Variants in BAZ2B observed in about 807,000 individuals in gnomAD.
BAZ2B encodes bromodomain adjacent to zinc finger domain protein 2B.
BAZ2B carries 91 observed loss-of-function variants against 246.0 expected under a neutral mutation model. The observed-to-expected ratio is 0.37, with a 90% CI of 0.31 to 0.44. The LOEUF is 0.44. BAZ2B is among the 20% of genes least tolerant of loss of function. The pLI, the probability that BAZ2B is intolerant of heterozygous loss-of-function variation, is 1.00. For synonymous variants in BAZ2B, 855 were observed against 860.0 expected (o/e 0.99, Z 0.10); for missense variants, 2,332 against 2,533.7 (o/e 0.92, Z 1.71).
At chr2:159,637,424 G>A in the BAZ2B span, among the ~76,000 whole-genome samples, 1 of 152,198 alleles carries the variant, frequency 6.6e-6, no homozygotes, top group African/African-American at 2.4e-5. Flanking sequence ...AACCTGCCAT[G>A]GACTGTTGGT....
chr2:159,675,116 T>C, the BAZ2B span, among the ~76,000 whole-genome samples: 1 of 152,132 alleles, frequency 6.6e-6, no homozygotes, highest in African/African-American at 2.4e-5. Flanking sequence ...ATAAGATTTA[T>C]TATAAGCTGG....
chr2:159,650,091 T>C, the BAZ2B span, among the ~76,000 whole-genome samples: 2 of 152,182 alleles, frequency 1.3e-5, no homozygotes, highest in African/African-American at 4.8e-5. Context: ...TCTATATTAT[T>C]CATTTTTTTA....
chr2:159,449,767 T>C (rs577189472), intron 4 of BAZ2B, among the ~76,000 whole-genome samples: 10 of 152,310 alleles, frequency 6.6e-5, no homozygotes, highest in Admixed American at 5.9e-4. Flanking sequence ...AGATGAAAGA[T>C]GTACATTTAG....
At chr2:159,580,244 C>A (rs1299700743) in intron 1 of BAZ2B, among the ~76,000 whole-genome samples, 2 of 152,090 alleles carry the variant, frequency 1.3e-5, no homozygotes, top group Admixed American at 6.5e-5. Flanking sequence ...AATCAATGTG[C>A]AAAAATCACA....
intron 36 of BAZ2B, among the ~76,000 whole-genome samples, chr2:159,323,954 A>T (rs1189461818): frequency 6.6e-6 from 1 of 152,162 alleles, no homozygotes; most frequent in Non-Finnish European, 1.5e-5. Context: ...AACAAAACAG[A>T]CATAAACCTT....
chr2:159,469,175 T>TA (rs2077468759), intron 3 of BAZ2B, among the ~76,000 whole-genome samples: 1 of 151,664 alleles, frequency 6.6e-6, no homozygotes, highest in Non-Finnish European at 1.5e-5. Context: ...AGCTTGTTCT[T>TA]AAAAAAATCT....
the BAZ2B span, chr2:159,689,907 C>T: frequency 7.7e-6 from 3 of 387,374 alleles, no homozygotes; most frequent in South Asian, 9.5e-5. Context: ...GTAAAGTCAA[C>T]ACAGAACAGA....
chr2:159,514,472 C>T (rs2083243550), intron 2 of BAZ2B, among the ~76,000 whole-genome samples: 1 of 152,058 alleles, frequency 6.6e-6, no homozygotes, highest in Non-Finnish European at 1.5e-5. Flanking sequence ...CCTGTAATTC[C>T]TTAAAGTGCC....
chr2:159,500,908 T>G (rs968811677), intron 2 of BAZ2B, among the ~76,000 whole-genome samples: 4 of 148,900 alleles, frequency 2.7e-5, no homozygotes, highest in Non-Finnish European at 4.5e-5. Flanking sequence ...GAGCTGAGAT[T>G]GCGCCACTGC....
intron 27 of BAZ2B, among the ~76,000 whole-genome samples, chr2:159,353,170 A>G (rs1401006287): frequency 6.6e-6 from 1 of 152,188 alleles, no homozygotes; most frequent in East Asian, 1.9e-4. Context: ...CCAGTCCTTT[A>G]TTAATGTTTG....
At chr2:159,545,915 G>A (rs891919422) in intron 2 of BAZ2B, among the ~76,000 whole-genome samples, 1 of 152,004 alleles carries the variant, frequency 6.6e-6, no homozygotes. Context: ...ATACAACTAC[G>A]GATAAGGATA....
chr2:159,439,370 T>A (rs2072967662), intron 6 of BAZ2B, among the ~76,000 whole-genome samples, 158 bp from the exon 7 acceptor site: 1 of 152,256 alleles, frequency 6.6e-6, no homozygotes, highest in Admixed American at 6.5e-5. Context: ...TTTAACAAAC[T>A]GATCAACTTA....
At chr2:159,390,673 C>T (rs1280440800) in intron 20 of BAZ2B, among the ~76,000 whole-genome samples, 2 of 152,074 alleles carry the variant, frequency 1.3e-5, no homozygotes, top group East Asian at 1.9e-4. Flanking sequence ...AGAGAAAGTA[C>T]AGTGTGTTTG....
chr2:159,612,013 T>C (rs1445983187), intron 1 of BAZ2B, among the ~76,000 whole-genome samples: 2 of 152,012 alleles, frequency 1.3e-5, no homozygotes, highest in African/African-American at 2.4e-5. Context: ...TAGTATCACA[T>C]ATTTAGTATC....
intron 2 of BAZ2B, among the ~76,000 whole-genome samples, chr2:159,504,919 T>G (rs1419329690): frequency 6.6e-6 from 1 of 152,226 alleles, no homozygotes; most frequent in African/African-American, 2.4e-5. Context: ...ATAAGCTATA[T>G]TTTAAACAAA....
chr2:159,469,246 T>C (rs912431192), intron 3 of BAZ2B, among the ~76,000 whole-genome samples: 1 of 151,962 alleles, frequency 6.6e-6, no homozygotes, highest in Non-Finnish European at 1.5e-5. Context: ...ATATCAACGA[T>C]GAAAGAAAAA....
intron 14 of BAZ2B, among the ~76,000 whole-genome samples, chr2:159,411,020 G>A (rs569833658): frequency 1.9e-4 from 29 of 152,248 alleles, no homozygotes; most frequent in Admixed American, 9.8e-4. Flanking sequence ...CAATGAGAAT[G>A]TCTTTTATTT....
intron 33 of BAZ2B, among the ~76,000 whole-genome samples, chr2:159,335,567 T>C (rs1575712211): frequency 1.3e-5 from 2 of 148,200 alleles, no homozygotes; most frequent in Admixed American, 6.7e-5. Context: ...AAAAAAATTA[T>C]AGTAAATTCC....
intron 2 of BAZ2B, among the ~76,000 whole-genome samples, chr2:159,485,441 C>G (rs937817544): frequency 6.6e-6 from 1 of 152,108 alleles, no homozygotes; most frequent in Non-Finnish European, 1.5e-5. Context: ...GTATGGTATA[C>G]AGTGGTTTAA....
Sources: gnomAD v4.1 joint callset for allele counts (sites outside exome capture counted in the v4.1 genomes callset) on GRCh38, gnomAD v4.1.1 for gene constraint, MANE v1.5 for transcripts, NCBI Gene and HGNC (gene_info 2026-07-23, HGNC 2026-07-21) for gene names.